GALNT9: variants seen among roughly 807,000 people sequenced by gnomAD.
GALNT9 encodes the protein polypeptide N-acetylgalactosaminyltransferase 9, also known as GalNAc transferase 9.
GALNT9 carries 47 observed loss-of-function variants against 63.1 expected under a neutral mutation model. The ratio of observed to expected loss-of-function variants is 0.75; its 90% CI spans 0.59 to 0.95. The LOEUF (loss-of-function observed/expected upper bound fraction) is 0.95. Ranked by LOEUF, GALNT9 falls within the 40% of genes least tolerant of loss-of-function variation. The pLI is 0.00. For missense variants in GALNT9, 829 were observed against 874.8 expected (o/e 0.95, Z 0.66); for synonymous variants, 396 against 365.7 (o/e 1.08, Z -0.94).
chr12:132,270,522 G>T (rs781902310), intron 2 of GALNT9, among the ~76,000 whole-genome samples: 1 of 152,242 alleles, frequency 6.6e-6, no homozygotes, highest in South Asian at 2.1e-4. Flanking sequence ...TAGCTCTTGC[G>T]TACATAATGG....
chr12:132,251,319 A>G (rs1374039951), intron 5 of GALNT9, among the ~76,000 whole-genome samples: 3 of 152,258 alleles, frequency 2.0e-5, no homozygotes, highest in Admixed American at 1.3e-4. Flanking sequence ...GGAGTACGTT[A>G]AGGATGAAAA....
intron 2 of GALNT9, among the ~76,000 whole-genome samples, chr12:132,272,147 G>A (rs1157704393): frequency 6.6e-6 from 1 of 152,208 alleles, no homozygotes; most frequent in Non-Finnish European, 1.5e-5. Context: ...ATGCACGGCG[G>A]GGACCCCTCT....
At chr12:132,268,252 CAT>C (rs1294989520) in intron 2 of GALNT9, among the ~76,000 whole-genome samples, 4 of 151,994 alleles carry the variant, frequency 2.6e-5, no homozygotes, top group Non-Finnish European at 4.4e-5. Context: ...TACACTCACA[CAT>C]GGACACCCAC....
At position 132,197,118 on chromosome 12, in the gene GALNT9, CGTGTT is replaced by C; in HGVS notation, c.1796_1800del (p.Lys599SerfsTer56). The C allele has an allele frequency of 6.2e-7, 1 of 1,614,144 alleles. No individual in the cohort carries two copies. Among genetic ancestry groups the C allele is most frequent in the South Asian group, 1.1e-5 (1 of 91,086 alleles). Reference sequence around the variant, plus strand: ...GGGCGGAGGTGGGGTCAGTGCCGTGCGTGTTTGATCCAGTTTCTGATCATCCACTT... The same window carrying C: ...GGGCGGAGGTGGGGTCAGTGCCGTGCTGATCCAGTTTCTGATCATCCACTT... On this transcript the variant is annotated frameshift_variant, in exon 11 of 11. Coordinates refer to ENST00000328957, the MANE Select transcript of GALNT9 (RefSeq NM_001122636.2). LOFTEE classifies it high-confidence loss of function.
rs1878080107 is a variant in GALNT9, at chr12:132,238,329, G to T, written c.1077+9581C>A. ...TAGCTCTGGGGTCACTGGCGAGGGGGACAGAGCTGGATGGGGGGCTTCAGG... is the reference window on the plus strand; with the variant it reads ...TAGCTCTGGGGTCACTGGCGAGGGGTACAGAGCTGGATGGGGGGCTTCAGG... On this transcript the variant is annotated intron_variant, in intron 6 of 10. Coordinates refer to ENST00000328957, the MANE Select transcript of GALNT9 (RefSeq NM_001122636.2). This position sits in a 1 kb window ranked among gnomAD's most constrained non-coding sequence, Gnocchi z 6.5. 6.6e-6 allele frequency among the ~76,000 whole-genome samples: 1 copy of T among 152,068 alleles called. No individual in the cohort carries two copies. Among genetic ancestry groups the T allele is most frequent in the African/African-American group, 2.4e-5 (1 of 41,388 alleles).
intron 6 of GALNT9, among the ~76,000 whole-genome samples, chr12:132,214,268 C>T (rs1016310729): frequency 1.6e-4 from 24 of 152,278 alleles, no homozygotes; most frequent in African/African-American, 5.5e-4. Flanking sequence ...ACCACACCGG[C>T]GACTCCACCG....
At position 132,307,039 on chromosome 12, in the gene GALNT9, G is replaced by A. The variant is rs146785517; in HGVS notation, c.239-20609C>T. On this transcript the variant is annotated intron_variant, in intron 1 of 10. Transcript: ENST00000328957. ...GGTGGGGGTGATCTGGGCTGTGAGG[G>A]GACCTGTGCCCGCTTCCCAGCCACC... Among the ~76,000 whole-genome samples the A allele has an allele frequency of 6.7e-3, 1,013 of 152,172 alleles. 6 individuals are homozygous for A. Among genetic ancestry groups the A allele is most frequent in the African/African-American group, 0.023 (962 of 41,484 alleles).
intron 1 of GALNT9, among the ~76,000 whole-genome samples, chr12:132,298,042 C>T (rs1351804120): frequency 2.0e-5 from 3 of 152,080 alleles, no homozygotes; most frequent in East Asian, 3.9e-4. Context: ...CCTGAGATAA[C>T]CAATTCACTC....
At chr12:132,217,363 A>G (rs1270684379) in intron 6 of GALNT9, among the ~76,000 whole-genome samples, 1 of 149,132 alleles carries the variant, frequency 6.7e-6, no homozygotes, top group African/African-American at 2.5e-5. Context: ...TTATCCATCC[A>G]TCTACCTACT....
chr12:132,239,551 C>T (rs1441982133), intron 6 of GALNT9, among the ~76,000 whole-genome samples: 8 of 140,722 alleles, frequency 5.7e-5, no homozygotes, highest in Non-Finnish European at 9.2e-5. Context: ...GAGTCAGAGA[C>T]AGTCAGAGAC....
intron 1 of GALNT9, among the ~76,000 whole-genome samples, chr12:132,293,209 G>A (rs1318380324): frequency 6.6e-6 from 1 of 152,204 alleles, no homozygotes; most frequent in Non-Finnish European, 1.5e-5. Context: ...GGGCCTCCAG[G>A]CAGCATTCAC....
intron 6 of GALNT9, among the ~76,000 whole-genome samples, chr12:132,217,730 TCATCCATC>T (rs1234826244): frequency 1.5e-5 from 2 of 132,542 alleles, no homozygotes; most frequent in Admixed American, 7.6e-5. Flanking sequence ...CCACACGCAC[TCATCCATC>T]CATCCATCCA....
intron 1 of GALNT9, among the ~76,000 whole-genome samples, chr12:132,311,354 T>C (rs1881805522): frequency 6.6e-6 from 1 of 151,966 alleles, no homozygotes; most frequent in Non-Finnish European, 1.5e-5. Context: ...CTCGGCGTGG[T>C]CCAAGCAACC....
intron 1 of GALNT9, among the ~76,000 whole-genome samples, chr12:132,288,079 G>A (rs1425009517): frequency 6.6e-6 from 1 of 152,210 alleles, no homozygotes; most frequent in Non-Finnish European, 1.5e-5. Context: ...TCCCACAACT[G>A]CCCGCCTGGG....
Position 132,203,656 on chromosome 12 carries a change from G to A in GALNT9, c.1112C>T (p.Pro371Leu), listed in dbSNP as rs1223945265. 1.2e-6 allele frequency: 2 copies of A among 1,613,428 alleles called. No homozygotes were observed. Among genetic ancestry groups the A allele is most frequent in the Non-Finnish European group, 1.7e-6 (2 of 1,179,796 alleles). The change falls in exon 7 of 11, where the codon CCC (proline) becomes CTC (leucine). Residue 371 changes from proline (P) to leucine (L), a missense_variant. Physicochemically the swap from Pro to Leu is moderately conservative, Grantham distance 98. Transcript: ENST00000328957. ...CTCGATGTGGGCCACGCGGGAGCAGGGCAGCACCTCCATGCTGCCGCCACA... is the reference window on the plus strand; with the variant it reads ...CTCGATGTGGGCCACGCGGGAGCAGAGCAGCACCTCCATGCTGCCGCCACA... Reference protein sequence around the residue: ...WQCGGSMEVLPCSRVAHIERT... With the variant: ...WQCGGSMEVLLCSRVAHIERT...
At chr12:132,294,728 C>T (rs578049371) in intron 1 of GALNT9, among the ~76,000 whole-genome samples, 34 of 18,262 alleles carry the variant, frequency 1.9e-3, no homozygotes, top group African/African-American at 0.011. Flanking sequence ...TCTGGGAGGG[C>T]GGGTGGGGTC....
intron 1 of GALNT9, among the ~76,000 whole-genome samples, chr12:132,293,009 G>A (rs886639735): frequency 8.8e-4 from 134 of 152,330 alleles, no homozygotes; most frequent in African/African-American, 3.1e-3. Flanking sequence ...CACTTGAAGG[G>A]GTATTTGGGG....
intron 6 of GALNT9, among the ~76,000 whole-genome samples, chr12:132,219,953 G>T (rs969694789): frequency 6.6e-6 from 1 of 152,174 alleles, no homozygotes; most frequent in Admixed American, 6.5e-5. Flanking sequence ...TGGGTAAGGG[G>T]AAGGGGCACC....
At chr12:132,219,494 C>A (rs985516091) in intron 6 of GALNT9, among the ~76,000 whole-genome samples, 1 of 152,072 alleles carries the variant, frequency 6.6e-6, no homozygotes, top group Admixed American at 6.6e-5. Context: ...GCTCTGATGT[C>A]CATTGGCGGG....
Sources: gnomAD v4.1 joint callset for allele counts (sites outside exome capture counted in the v4.1 genomes callset) on GRCh38, gnomAD v4.1.1 for gene constraint, Gnocchi (gnomAD v3.1) non-coding constraint, MANE v1.5 for transcripts, NCBI Gene and HGNC (gene_info 2026-07-23, HGNC 2026-07-21) for gene names.